Variants in OSBPL10 observed in about 807,000 individuals in gnomAD.
OSBPL10 encodes the protein oxysterol-binding protein-related protein 10.
A neutral mutation model predicts 81.7 loss-of-function variants in OSBPL10; 49 were observed. The ratio of observed to expected loss-of-function variants is 0.60; its 90% CI spans 0.48 to 0.76. The LOEUF (loss-of-function observed/expected upper bound fraction) is 0.76. OSBPL10 is among the 30% of genes least tolerant of loss of function. The pLI is 0.00. For missense variants in OSBPL10, 923 were observed against 987.8 expected, an observed-to-expected ratio of 0.93 and a Z score of 0.88; for synonymous variants, 419 against 383.6, an observed-to-expected ratio of 1.09 and a Z score of -1.08.
chr3:31,987,069 T>A (rs896288554), intron 2 of OSBPL10, among the ~76,000 whole-genome samples: 9 of 152,000 alleles, frequency 5.9e-5, no homozygotes, highest in Admixed American at 1.3e-4. Context: ...AATATATATG[T>A]GTATATATAC....
At chr3:31,836,908 TG>T (rs998113118) in intron 3 of OSBPL10, among the ~76,000 whole-genome samples, 2 of 152,204 alleles carry the variant, frequency 1.3e-5, no homozygotes, top group Non-Finnish European at 2.9e-5. Flanking sequence ...TCTCATGCTT[TG>T]GAACTATGCA....
At position 31,920,530 on chromosome 3, in the gene OSBPL10, A is replaced by C. The variant is rs115089256; in HGVS notation, c.282-40700T>G. ...GCTGATAAAGTTGCTTCCCATGGGG[A>C]TGCAGGTTACCAATGCTGCTACTGC... is the stretch of plus-strand genomic sequence containing the variant. On this transcript the variant is annotated intron_variant, in intron 1 of 11. Transcript: ENST00000396556. Among the ~76,000 whole-genome samples, 1,475 of 152,314 alleles carry C rather than the reference A, an allele frequency of 9.7e-3. 21 individuals are homozygous for C. The highest frequency in any genetic ancestry group is 0.034 in the African/African-American group (1,400 of 41,554).
At chr3:31,946,559 C>T (rs1040642992) in intron 1 of OSBPL10, among the ~76,000 whole-genome samples, 6 of 152,246 alleles carry the variant, frequency 3.9e-5, no homozygotes, top group Non-Finnish European at 5.9e-5. Context: ...TGGCGGACAG[C>T]GTGTGAACAG....
chr3:31,870,380 G>A lies in OSBPL10; in HGVS notation c.537+6053C>T, dbSNP rs536167851. On this transcript the variant is annotated intron_variant, in intron 3 of 11. Coordinates refer to ENST00000396556, the MANE Select transcript of OSBPL10 (RefSeq NM_017784.5). ...GGGCAGGGCTCCGGACCTGCAGCCC[G>A]CCATGCCTGAGCCTCCCACCCCTCC... Among the ~76,000 whole-genome samples, 16 of 152,350 alleles carry A rather than the reference G, an allele frequency of 1.1e-4. No individual in the cohort carries two copies. In the South Asian group the frequency reaches 1.2e-3, roughly 12 times the overall value.
chr3:31,878,819 G>A (rs1287253318), intron 2 of OSBPL10, among the ~76,000 whole-genome samples: 1 of 67,198 alleles, frequency 1.5e-5, no homozygotes, highest in African/African-American at 4.8e-5. Context: ...GTGTCCATGT[G>A]TGTGTGTGTG....
chr3:31,870,315 C>T (rs548823932), intron 3 of OSBPL10, among the ~76,000 whole-genome samples: 5 of 152,376 alleles, frequency 3.3e-5, no homozygotes, highest in South Asian at 2.1e-4. Flanking sequence ...GGCCCACTGG[C>T]GCTGCCCTCG....
intron 1 of OSBPL10, among the ~76,000 whole-genome samples, chr3:32,059,194 G>A (rs1699736521): frequency 6.6e-6 from 1 of 152,170 alleles, no homozygotes; most frequent in South Asian, 2.1e-4. Flanking sequence ...TACTTGGCAG[G>A]CTGAGGCAGA....
chr3:31,747,129 G>C (rs1405604129), intron 5 of OSBPL10, among the ~76,000 whole-genome samples: 1 of 152,150 alleles, frequency 6.6e-6, no homozygotes, highest in African/African-American at 2.4e-5. Flanking sequence ...GAGGTCAGGA[G>C]TTCTGGACCA....
intron 1 of OSBPL10, among the ~76,000 whole-genome samples, chr3:31,954,681 G>A (rs1697958532): frequency 6.6e-6 from 1 of 152,182 alleles, no homozygotes; most frequent in East Asian, 1.9e-4. Flanking sequence ...TGCCTTGACA[G>A]AGGTTGGGTA....
intron 1 of OSBPL10, among the ~76,000 whole-genome samples, chr3:31,967,879 T>C (rs941534852): frequency 6.6e-6 from 1 of 152,220 alleles, no homozygotes; most frequent in African/African-American, 2.4e-5. Flanking sequence ...ATTAGAAGAC[T>C]AGAATTAAGG....
intron 11 of OSBPL10, chr3:31,663,732 T>G: frequency 8.6e-7 from 1 of 1,157,532 alleles, no homozygotes; most frequent in Non-Finnish European, 1.1e-6. Context: ...CTAAAGATGA[T>G]CTAACAGGTG....
intron 7 of OSBPL10, among the ~76,000 whole-genome samples, chr3:31,688,959 T>A (rs1268130473): frequency 6.6e-6 from 1 of 152,176 alleles, no homozygotes; most frequent in African/African-American, 2.4e-5. Context: ...ACCTCCAGGA[T>A]GGGCCTTCAA....
intron 1 of OSBPL10, chr3:31,960,022 G>A (rs1297761874): frequency 1.3e-5 from 2 of 152,190 alleles, no homozygotes; most frequent in Non-Finnish European, 2.9e-5. Flanking sequence ...GCCTATCAGT[G>A]AAGAAAAACA....
In OSBPL10 at chr3:31,939,143, C is replaced by CTTTTTTTTTTTTTTT. The variant is rs1559525545; in HGVS notation, c.281+41755_281+41756insAAAAAAAAAAAAAAA. 4.0e-5 allele frequency among the ~76,000 whole-genome samples: 2 copies of CTTTTTTTTTTTTTTT among 49,700 alleles called. 1 individual carries two copies. 32.6% of individuals were successfully genotyped at this position (49,700 alleles called of 152,430 possible). A position where few individuals can be genotyped will look rare whatever the true frequency, so the allele number is the denominator to read the frequency against. On this transcript the variant is annotated intron_variant, in intron 1 of 11. Transcript: ENST00000396556. ...GTTTAATGTGCCAAGACTCTCTCAT[C>CTTTTTTTTTTTTTTT]CTTTTTTTTTTTTTTTTTTGAGACA...
intron 1 of OSBPL10, among the ~76,000 whole-genome samples, chr3:31,969,955 G>T (rs1198981159): frequency 6.6e-6 from 1 of 151,972 alleles, no homozygotes; most frequent in Admixed American, 6.6e-5. Context: ...GGCAGGAAAT[G>T]ATTATCTTGC....
chr3:31,983,746 T>C (rs370896967), upstream of OSBPL10, among the ~76,000 whole-genome samples: 1 of 152,228 alleles, frequency 6.6e-6, no homozygotes, highest in African/African-American at 2.4e-5. Flanking sequence ...CCTACCGTAG[T>C]ATAGCAAATA....
chr3:32,051,337 T>C (rs1473555247), intron 1 of OSBPL10, among the ~76,000 whole-genome samples: 1 of 151,066 alleles, frequency 6.6e-6, no homozygotes, highest in Non-Finnish European at 1.5e-5. Context: ...GTTATCTGAC[T>C]TTTTTCCTTT....
chr3:31,770,003 G>A (rs941501969), intron 4 of OSBPL10, among the ~76,000 whole-genome samples: 1 of 152,126 alleles, frequency 6.6e-6, no homozygotes, highest in Non-Finnish European at 1.5e-5. Context: ...GGTTCTGCCT[G>A]TACCTAGAAG....
intron 4 of OSBPL10, among the ~76,000 whole-genome samples, chr3:31,785,938 C>A (rs1447699853): frequency 2.0e-5 from 3 of 152,154 alleles, no homozygotes; most frequent in Admixed American, 6.5e-5. Flanking sequence ...CAGAAAGACT[C>A]CACCTCAATT....
Sources: gnomAD v4.1 joint callset for allele counts (sites outside exome capture counted in the v4.1 genomes callset) on GRCh38, gnomAD v4.1.1 for gene constraint, MANE v1.5 for transcripts, NCBI Gene and HGNC (gene_info 2026-07-23, HGNC 2026-07-21) for gene names.